The following PHF14 variants were observed in gnomAD, a reference collection of about 807,000 sequenced individuals.
PHF14 encodes PHD finger protein 14.
In PHF14, 55 loss-of-function variants were observed where a neutral mutation model predicts 117.9. The observed-to-expected ratio is 0.47, with a 90% CI of 0.38 to 0.58. The LOEUF is 0.58. Among genes scored for constraint, PHF14 ranks in the 20% least tolerant of loss-of-function variants. The pLI is 0.00. For synonymous variants in PHF14, 409 were observed against 368.6 expected (o/e 1.11, Z -1.26); for missense variants, 978 against 1,122.2 (o/e 0.87, Z 1.84).
chr7:11,041,424 TTG>T (rs58282147), intron 12 of PHF14, among the ~76,000 whole-genome samples: 17 of 150,270 alleles, frequency 1.1e-4, no homozygotes, highest in South Asian at 2.1e-4. Context: ...GCTGGTGTTT[TTG>T]TGTGTGTGTG....
chr7:10,982,308 T>C, intron 2 of PHF14, 64 bp from the exon 3 acceptor site: 2 of 977,640 alleles, frequency 2.0e-6, no homozygotes, highest in Non-Finnish European at 2.9e-6. Flanking sequence ...TGTGTCAGCG[T>C]TGTGTGTGTG....
In PHF14 at chr7:11,063,171, CA is replaced by C. The variant is rs1466099284; in HGVS notation, c.2654+1089del. 9 of 972,828 alleles carry C rather than the reference CA, an allele frequency of 9.3e-6. No individual in the cohort carries two copies. In the East Asian group the frequency reaches 9.1e-4, roughly 98 times the overall value. The allele number at this position is 972,828 out of a possible 1,614,324, so 60.3% of individuals were successfully genotyped here. Reference sequence around the variant, plus strand: ...AAGTAAAAATTACAGTAGAAAAAGACAAAGTCCTTCAACAAAGTTAAGAAAG... The same window carrying C: ...AAGTAAAAATTACAGTAGAAAAAGACAAGTCCTTCAACAAAGTTAAGAAAG... On this transcript the variant is annotated intron_variant, in intron 16 of 17. Transcript: ENST00000634607.
chr7:10,999,072 A>G (rs1356881834), intron 4 of PHF14, among the ~76,000 whole-genome samples: 1 of 152,132 alleles, frequency 6.6e-6, no homozygotes, highest in African/African-American at 2.4e-5. Context: ...TTGTTAAGTG[A>G]TGGAGTGCCC....
At chr7:11,153,939 C>CTG (rs975709011) in intron 17 of PHF14, among the ~76,000 whole-genome samples, 6 of 138,530 alleles carry the variant, frequency 4.3e-5, no homozygotes, top group Admixed American at 1.5e-4. Flanking sequence ...TGGTCCCTGT[C>CTG]TGTGTGTGCG....
At chr7:11,063,587 T>G (rs1785315212) in intron 16 of PHF14, 1 of 969,696 alleles carries the variant, frequency 1.0e-6, no homozygotes, top group Non-Finnish European at 1.2e-6. Flanking sequence ...ATCTACTGTG[T>G]CTTACTAATT....
chr7:11,015,063 T>G (rs1019153033), intron 5 of PHF14: 11 of 152,096 alleles, frequency 7.2e-5, no homozygotes, highest in African/African-American at 2.7e-4. Flanking sequence ...AGTATTTTAT[T>G]AAACATGCTT....
At chr7:11,072,967 T>G (rs1269112230) in intron 16 of PHF14, among the ~76,000 whole-genome samples, 1 of 152,146 alleles carries the variant, frequency 6.6e-6, no homozygotes, top group Non-Finnish European at 1.5e-5. Flanking sequence ...TGCCAAGCAT[T>G]CATGAGGGAT....
chr7:11,015,724 C>G (rs1490448870), intron 5 of PHF14, among the ~76,000 whole-genome samples: 1 of 151,820 alleles, frequency 6.6e-6, no homozygotes, highest in East Asian at 2.0e-4. Context: ...TGTCTCCTTA[C>G]TCTTACTACT....
intron 3 of PHF14, 145 bp from the exon 4 acceptor site, chr7:10,990,558 C>T (rs1782414121): frequency 1.8e-6 from 1 of 571,242 alleles, no homozygotes. Flanking sequence ...ATATAATGTA[C>T]TTTGAAGTTA....
intron 13 of PHF14, among the ~76,000 whole-genome samples, chr7:11,047,155 G>T (rs1453340721): frequency 1.3e-5 from 2 of 151,448 alleles, no homozygotes; most frequent in East Asian, 3.9e-4. Context: ...CGCAACTTCT[G>T]CCTCCTGGGT....
chr7:11,142,835 A>G (rs1478254688), intron 17 of PHF14, among the ~76,000 whole-genome samples: 3 of 152,124 alleles, frequency 2.0e-5, no homozygotes, highest in Non-Finnish European at 4.4e-5. Context: ...ACAAATTGTT[A>G]TTCTAAGTAT....
chr7:11,028,945 C>T (rs997853105), intron 7 of PHF14, 127 bp downstream of exon 7: 28 of 785,386 alleles, frequency 3.6e-5, no homozygotes, highest in African/African-American at 5.4e-5. Flanking sequence ...GCCAAGATCA[C>T]TGTTCTAAAA....
chr7:11,101,298 T>C (rs1225249914), intron 16 of PHF14, among the ~76,000 whole-genome samples: 1 of 151,904 alleles, frequency 6.6e-6, no homozygotes, highest in Admixed American at 6.6e-5. Context: ...TGTCTTCTCA[T>C]CTCTATTATT....
At chr7:11,123,668 T>TA (rs1481038345) in intron 17 of PHF14, among the ~76,000 whole-genome samples, 14 of 152,188 alleles carry the variant, frequency 9.2e-5, no homozygotes, top group African/African-American at 3.1e-4. Flanking sequence ...TAGTCCCACC[T>TA]ACTCGGGAGG....
chr7:10,990,992 A>G, intron 4 of PHF14, 145 bp downstream of exon 4: 1 of 586,808 alleles, frequency 1.7e-6, no homozygotes, highest in South Asian at 2.9e-5. Flanking sequence ...TTTTCAGGTT[A>G]TCTTTTCTTT....
Position 11,049,558 on chromosome 7 carries a change from G to A in PHF14, c.2313-2054G>A, listed in dbSNP as rs61302979. Among the ~76,000 whole-genome samples, 866 of 151,870 alleles carry A rather than the reference G, an allele frequency of 5.7e-3. 8 individuals carry two copies. The highest frequency in any genetic ancestry group is 0.02 in the African/African-American group (826 of 41,406). ...CTCAACTGATAGAAATGATCAGTTA[G>A]CATTAAGATTACAATTTAATGCTGA... On this transcript the variant is annotated intron_variant, in intron 13 of 17. Coordinates refer to ENST00000634607, the MANE Select transcript of PHF14 (RefSeq NM_001007157.2).
chr7:10,987,989 C>G (rs1420645352), intron 3 of PHF14, among the ~76,000 whole-genome samples: 5 of 130,616 alleles, frequency 3.8e-5, no homozygotes, highest in Admixed American at 8.9e-5. Flanking sequence ...GCACTCCAGC[C>G]TGGGCAACAA....
rs759224610 is a variant in PHF14, at chr7:11,036,554, T to G, written c.1739T>G (p.Met580Arg). Residue 580 changes from methionine (M) to arginine (R), a missense_variant, in exon 9 of 18, where the codon ATG (methionine) becomes AGG (arginine). Met to Arg is a moderately conservative substitution (Grantham distance 91). Around this residue, in one of 7 missense-constraint regions of PHF14, gnomAD observed 237 missense variants for 276.4 expected, o/e 0.86. Transcript: ENST00000634607. ...TSSASAIRKL[M>R]RKAELMGIST... Reference sequence around the variant, plus strand: ...AGTGCTTCAGCTATTCGTAAACTTATGCGGAAAGCAGAACTCATGGGGATC... The same window carrying G: ...AGTGCTTCAGCTATTCGTAAACTTAGGCGGAAAGCAGAACTCATGGGGATC... 5 of 1,613,866 alleles carry G rather than the reference T, an allele frequency of 3.1e-6. No individual in the cohort carries two copies. In the South Asian group the frequency reaches 3.3e-5, roughly 11 times the overall value.
At chr7:11,168,793 T>C (rs10238096) in intron 17 of PHF14, among the ~76,000 whole-genome samples, 3,468 of 152,280 alleles carry the variant, frequency 0.023, 119 homozygotes, top group African/African-American at 0.079. Context: ...CATTTAATAC[T>C]GAACACAAGA....
Sources: gnomAD v4.1 joint callset for allele counts (sites outside exome capture counted in the v4.1 genomes callset) on GRCh38, gnomAD v4.1.1 for gene constraint, gnomAD v4.1.1 regional missense constraint, MANE v1.5 for transcripts, NCBI Gene and HGNC (gene_info 2026-07-23, HGNC 2026-07-21) for gene names.